The following DENND5A variants were observed in gnomAD, a reference collection of about 807,000 sequenced individuals.
The protein encoded by DENND5A is DENN domain containing 5A.
Under a neutral mutation model 140.3 loss-of-function variants are expected in DENND5A, and 64 were observed. That is an observed-to-expected ratio of 0.46 (90% confidence interval 0.37 to 0.56). The LOEUF (loss-of-function observed/expected upper bound fraction) is 0.56, where lower values mean the gene tolerates loss of function less well. Ranked by LOEUF, DENND5A falls within the 20% of genes least tolerant of loss-of-function variation. DENND5A has a pLI of 0.00. For synonymous variants in DENND5A, 605 were observed against 607.7 expected (o/e 1.00, Z 0.07); for missense variants, 1,292 against 1,593.8 (o/e 0.81, Z 3.22).
Position 9,168,364 on chromosome 11 carries a change from C to A in DENND5A, c.2151+1492G>T, listed in dbSNP as rs528147652. On this transcript the variant is annotated intron_variant, in intron 10 of 22. Coordinates refer to ENST00000328194, the MANE Select transcript of DENND5A (RefSeq NM_015213.4). Reference sequence around the variant, plus strand: ...TTGCCCACTGCCATCCACGTTAAGACGTGACTTGCTCCCTCCTTGCTGTCC... The same window carrying A: ...TTGCCCACTGCCATCCACGTTAAGAAGTGACTTGCTCCCTCCTTGCTGTCC... 8.5e-5 allele frequency among the ~76,000 whole-genome samples: 13 copies of A among 152,316 alleles called. No homozygotes were observed. The East Asian group carries it at 2.5e-3, about 29-fold the overall frequency.
In DENND5A at chr11:9,142,121, GA is replaced by G. The variant is rs1342688349; in HGVS notation, c.3512-14del. ...GTTTGTGCTTTTTCTGTGAAGAGTA[GA>G]AAAGCTTGCCAGTGAAAAGGCTCTC... On this transcript the variant is annotated splice_polypyrimidine_tract_variant and intron_variant, in intron 21 of 22. Transcript: ENST00000328194. 6.4e-7 allele frequency: 1 copy of G among 1,564,048 alleles called. No homozygotes were observed. Among genetic ancestry groups the G allele is most frequent in the Non-Finnish European group, 8.7e-7 (1 of 1,150,874 alleles).
intron 22 of DENND5A, 126 bp downstream of exon 22, chr11:9,141,814 A>G: frequency 1.3e-6 from 1 of 796,114 alleles, no homozygotes; most frequent in Non-Finnish European, 1.8e-6. Flanking sequence ...CTTCTAGGAA[A>G]CCTTCTAAGG....
intron 12 of DENND5A, among the ~76,000 whole-genome samples, chr11:9,157,914 T>C (rs982264688): frequency 1.3e-5 from 2 of 152,222 alleles, no homozygotes; most frequent in Non-Finnish European, 2.9e-5. Context: ...AGTCATCCAG[T>C]GGAGCCAGGA....
chr11:9,208,303 A>T (rs1849759617), intron 1 of DENND5A, among the ~76,000 whole-genome samples: 1 of 152,240 alleles, frequency 6.6e-6, no homozygotes, highest in African/African-American at 2.4e-5. Context: ...TGGCCTAACC[A>T]TTCAGAGTAC....
At chr11:9,260,414 C>T (rs1342712993) in intron 1 of DENND5A, among the ~76,000 whole-genome samples, 4 of 152,146 alleles carry the variant, frequency 2.6e-5, no homozygotes, top group African/African-American at 9.7e-5. Flanking sequence ...AGAAGATTCA[C>T]CAGGACATTC....
At position 9,179,082 on chromosome 11, in the gene DENND5A, A is replaced by G; in HGVS notation, c.1456-9T>C. On this transcript the variant is annotated splice_polypyrimidine_tract_variant and intron_variant, in intron 6 of 22. Transcript: ENST00000328194. ...TCTTCACGCACTTCCAACTACAAAA[A>G]AAGAAAAAGCAGTTGAGAACACATA... The G allele has an allele frequency of 6.2e-7, 1 of 1,612,484 alleles. No homozygotes were observed. The highest frequency in any genetic ancestry group is 8.5e-7 in the Non-Finnish European group (1 of 1,179,032).
intron 1 of DENND5A, among the ~76,000 whole-genome samples, chr11:9,219,577 G>T (rs575343126): frequency 1.7e-3 from 254 of 152,138 alleles, no homozygotes; most frequent in African/African-American, 5.9e-3. Context: ...AAAAAAAAAC[G>T]ACTTACATAT....
chr11:9,177,338 C>T (rs947741919), intron 8 of DENND5A, among the ~76,000 whole-genome samples: 2 of 150,776 alleles, frequency 1.3e-5, no homozygotes, highest in African/African-American at 2.4e-5. Flanking sequence ...CTTCTTGCCT[C>T]GAATGTGAAT....
chr11:9,153,093 G>A (rs944097336), intron 12 of DENND5A, among the ~76,000 whole-genome samples: 8 of 151,474 alleles, frequency 5.3e-5, no homozygotes, highest in African/African-American at 9.7e-5. Flanking sequence ...AGGCCAAGGC[G>A]GGCGGATCAC....
intron 1 of DENND5A, among the ~76,000 whole-genome samples, chr11:9,217,050 G>A (rs868145886): frequency 4.6e-5 from 7 of 151,906 alleles, no homozygotes; most frequent in Non-Finnish European, 7.4e-5. Context: ...AAATAAATAC[G>A]AAAGAATCAG....
At chr11:9,239,593 A>G (rs1454285922) in intron 1 of DENND5A, among the ~76,000 whole-genome samples, 2 of 152,142 alleles carry the variant, frequency 1.3e-5, no homozygotes, top group Non-Finnish European at 2.9e-5. Flanking sequence ...CCGCCTCCCA[A>G]GTAGCTGAGA....
chr11:9,265,041 G>C lies in DENND5A; in HGVS notation c.29C>G (p.Ser10Trp), dbSNP rs867335617. The C allele has an allele frequency of 1.9e-6, 3 of 1,558,780 alleles. No homozygotes were observed. The highest frequency in any genetic ancestry group is 2.6e-6 in the Non-Finnish European group (3 of 1,156,150). ...GTAGTCGGCGAAGCGACTGGGCGCC[G>C]AGCCCCCTCCGCCGCCGCCGCCACT... Reference protein sequence around the residue: MSGGGGGGGSAPSRFADYFV... With the variant: MSGGGGGGGWAPSRFADYFV... The change falls in exon 1 of 23, where the codon TCG becomes TGG. Residue 10 changes from serine to tryptophan, a missense_variant. Ser to Trp is a radical substitution (Grantham distance 177, BLOSUM62 -3). Coordinates refer to ENST00000328194, the MANE Select transcript of DENND5A (RefSeq NM_015213.4). The surrounding 1 kb of genome is among the most constrained non-coding windows in gnomAD (Gnocchi z 4.7).
Position 9,143,454 on chromosome 11 carries a change from G to A in DENND5A, c.3336C>T (p.Ile1112=), listed in dbSNP as rs1340813014. ...KLNTGQIQES[I]GEAVNGIVKH... ...TCACAATGCCATTGACTGCCTCCCC[G>A]ATGGACTCCTGGATCTGCCCAGTGT... Residue 1112 remains isoleucine (I), a synonymous_variant, in exon 20 of 23, where the codon ATC becomes ATT. Transcript: ENST00000328194. 3.7e-6 allele frequency: 6 copies of A among 1,614,128 alleles called. No homozygotes were observed. Among genetic ancestry groups the A allele is most frequent in the South Asian group, 2.2e-5 (2 of 91,084 alleles).
intron 8 of DENND5A, 177 bp from the exon 9 acceptor site, chr11:9,170,954 G>A (rs995491294): frequency 7.1e-6 from 8 of 1,131,174 alleles, no homozygotes; most frequent in Non-Finnish European, 9.7e-6. Context: ...AATATAAAAT[G>A]ATAAACTTCA....
At chr11:9,259,567 AAAACAAAC>A (rs201218916) in intron 1 of DENND5A, among the ~76,000 whole-genome samples, 1 of 151,896 alleles carries the variant, frequency 6.6e-6, no homozygotes, top group Non-Finnish European at 1.5e-5. Context: ...CTCCCATCTC[AAAACAAAC>A]AAACAAACAA....
At position 9,203,682 on chromosome 11, in the gene DENND5A, A is replaced by C. The variant is rs763545499; in HGVS notation, c.927T>G (p.Phe309Leu). ...TACGCTGTGAGTAGAGCAGGATTTG[A>C]AACTCCAGAAGGGCACAAGTAAAAA... ...FQLFTCALLE[F>L]QILLYSQHYQ... Residue 309 changes from phenylalanine (F) to leucine (L), a missense_variant, in exon 4 of 23, where the codon TTT becomes TTG. Phe to Leu is a conservative substitution (Grantham distance 22). Transcript: ENST00000328194. 3 of 1,613,678 alleles carry C rather than the reference A, an allele frequency of 1.9e-6. No homozygotes were observed. Among genetic ancestry groups the C allele is most frequent in the South Asian group, 2.2e-5 (2 of 91,036 alleles).
intron 1 of DENND5A, among the ~76,000 whole-genome samples, chr11:9,247,107 G>A (rs1197096731): frequency 6.6e-6 from 1 of 152,048 alleles, no homozygotes; most frequent in East Asian, 1.9e-4. Flanking sequence ...GCAGGCGCCT[G>A]TAGTCCCAGC....
At chr11:9,231,463 C>G (rs967725173) in intron 1 of DENND5A, among the ~76,000 whole-genome samples, 2 of 151,830 alleles carry the variant, frequency 1.3e-5, no homozygotes, top group Non-Finnish European at 2.9e-5. Context: ...CGCCTGTAAT[C>G]CCAGCACTTT....
intron 5 of DENND5A, among the ~76,000 whole-genome samples, chr11:9,189,822 T>G (rs1234240261): frequency 6.6e-6 from 1 of 152,030 alleles, no homozygotes; most frequent in Non-Finnish European, 1.5e-5. Context: ...GTGTTTTAAG[T>G]AGAGATGGCG....
Sources: allele counts gnomAD v4.1 joint callset (sites outside exome capture counted in the v4.1 genomes callset), GRCh38; gene constraint gnomAD v4.1.1; non-coding constraint Gnocchi (gnomAD v3.1); transcripts MANE v1.5; gene names NCBI Gene and HGNC (gene_info 2026-07-23, HGNC 2026-07-21).